Variants in BRINP1 observed in about 807,000 individuals in gnomAD.
The protein encoded by BRINP1 is BMP/retinoic acid inducible neural specific 1, also known as BMP/retinoic acid-inducible neural-specific protein 1.
In BRINP1, 17 loss-of-function variants were observed where a neutral mutation model predicts 72.9. The ratio of observed to expected loss-of-function variants is 0.23; its 90% CI spans 0.16 to 0.35. BRINP1 has a LOEUF of 0.35. Among genes scored for constraint, BRINP1 ranks in the 10% least tolerant of loss-of-function variants. The pLI is 1.00. For synonymous variants in BRINP1, 418 were observed against 378.5 expected, an observed-to-expected ratio of 1.10 and a Z score of -1.21; for missense variants, 850 against 1,001.6, an observed-to-expected ratio of 0.85 and a Z score of 2.04.
chr9:119,213,375 A>G (rs945968621), intron 6 of BRINP1, among the ~76,000 whole-genome samples: 3 of 152,184 alleles, frequency 2.0e-5, no homozygotes, highest in African/African-American at 7.2e-5. Context: ...CCTGAAACTC[A>G]TTTTTCTGAA....
At position 119,172,167 on chromosome 9, in the gene BRINP1, C is replaced by A. The variant is rs1421778748; in HGVS notation, c.1146-3943G>T. Reference sequence around the variant, plus strand: ...CTGAAGGAAATAGAGACACAAAAAACCCATCAAAAAGTTAATGAATCCAGG... The same window carrying A: ...CTGAAGGAAATAGAGACACAAAAAAACCATCAAAAAGTTAATGAATCCAGG... On this transcript the variant is annotated intron_variant, in intron 7 of 7. Coordinates refer to ENST00000265922, the MANE Select transcript of BRINP1 (RefSeq NM_014618.3). 5.3e-5 allele frequency among the ~76,000 whole-genome samples: 8 copies of A among 152,066 alleles called. No homozygotes were observed. In the East Asian group the frequency reaches 7.7e-4, roughly 15 times the overall value.
intron 1 of BRINP1, among the ~76,000 whole-genome samples, chr9:119,328,067 T>G (rs1831257002): frequency 6.6e-6 from 1 of 152,094 alleles, no homozygotes; most frequent in African/African-American, 2.4e-5. Flanking sequence ...CCATTTTTAG[T>G]CAGCATGAAG....
At chr9:119,274,518 T>G (rs985005594) in intron 2 of BRINP1, among the ~76,000 whole-genome samples, 6 of 152,216 alleles carry the variant, frequency 3.9e-5, no homozygotes, top group Non-Finnish European at 8.8e-5. Context: ...AAGCCCCAGC[T>G]GGCCCTGATT....
chr9:119,236,803 C>CT (rs934369608), intron 5 of BRINP1, among the ~76,000 whole-genome samples: 6 of 152,160 alleles, frequency 3.9e-5, no homozygotes, highest in East Asian at 1.9e-4. Context: ...TCTGTCTACT[C>CT]TTTTTTCTGC....
In BRINP1 at chr9:119,366,530, G is replaced by A. The variant is rs1409816754; in HGVS notation, c.-51+2526C>T. On this transcript the variant is annotated intron_variant, in intron 1 of 7. Coordinates refer to ENST00000265922, the MANE Select transcript of BRINP1 (RefSeq NM_014618.3). ...TGTGTGTGTGTGTGTGTGTGTGTGT[G>A]TGTGTGTGTGTGTGTGTGTGTGTGT... is the stretch of plus-strand genomic sequence containing the variant. 5.6e-4 allele frequency among the ~76,000 whole-genome samples: 84 copies of A among 149,706 alleles called. No individual in the cohort carries two copies. The South Asian group carries it at 1.0e-2, about 18-fold the overall frequency.
intron 1 of BRINP1, among the ~76,000 whole-genome samples, chr9:119,328,503 C>T (rs1243448029): frequency 6.6e-6 from 1 of 151,860 alleles, no homozygotes; most frequent in Non-Finnish European, 1.5e-5. Context: ...CTAGGATAGA[C>T]CTAGAATTAA....
chr9:119,327,424 C>G (rs1206359618), intron 1 of BRINP1, among the ~76,000 whole-genome samples: 1 of 152,142 alleles, frequency 6.6e-6, no homozygotes, highest in African/African-American at 2.4e-5. Flanking sequence ...GGTACTGAAT[C>G]AATATTTATT....
At chr9:119,355,504 G>A (rs565278688) in intron 1 of BRINP1, among the ~76,000 whole-genome samples, 4 of 152,172 alleles carry the variant, frequency 2.6e-5, no homozygotes, top group Non-Finnish European at 4.4e-5. Context: ...CAAGGTGGGC[G>A]AATCACAAGG....
At chr9:119,209,000 G>T in intron 6 of BRINP1, 59 bp from the exon 7 acceptor site, 1 of 1,400,530 alleles carries the variant, frequency 7.1e-7, no homozygotes, top group Non-Finnish European at 1.0e-6. Context: ...CATCTAAAGT[G>T]GCCTTGAATG....
chr9:119,304,862 A>ATCTCTCTT, intron 2 of BRINP1, among the ~76,000 whole-genome samples: 1 of 152,258 alleles, frequency 6.6e-6, no homozygotes, highest in Admixed American at 6.5e-5. Context: ...TTTCTAACCC[A>ATCTCTCTT]TCTCTCTTTC....
At chr9:119,215,638 TC>T (rs1392006120) in intron 5 of BRINP1, among the ~76,000 whole-genome samples, 19 of 152,254 alleles carry the variant, frequency 1.2e-4, no homozygotes, top group Non-Finnish European at 2.6e-4. Context: ...TAGATTTTTA[TC>T]TTTTTTCCAT....
chr9:119,241,729 T>C (rs887288184), intron 4 of BRINP1, among the ~76,000 whole-genome samples: 1 of 152,184 alleles, frequency 6.6e-6, no homozygotes, highest in African/African-American at 2.4e-5. Flanking sequence ...TACCTCTTCA[T>C]AGTCTCTGTT....
chr9:119,358,448 C>G (rs1279761513), intron 1 of BRINP1, among the ~76,000 whole-genome samples: 1 of 149,726 alleles, frequency 6.7e-6, no homozygotes, highest in Non-Finnish European at 1.5e-5. Context: ...AATCCCAGCA[C>G]TTTGGGAGGC....
intron 1 of BRINP1, among the ~76,000 whole-genome samples, chr9:119,338,169 A>G (rs766434123): frequency 1.3e-4 from 19 of 151,898 alleles, no homozygotes; most frequent in Non-Finnish European, 1.9e-4. Flanking sequence ...TCCTTGAAAA[A>G]CACCAATCTC....
intron 1 of BRINP1, among the ~76,000 whole-genome samples, chr9:119,322,421 T>A (rs879821763): frequency 3.9e-5 from 6 of 152,156 alleles, no homozygotes; most frequent in Non-Finnish European, 8.8e-5. Context: ...GTCGGGTTCA[T>A]CCCACACAGA....
Position 119,214,125 on chromosome 9 carries a change from T to C in BRINP1, c.716A>G (p.Gln239Arg). The C allele has an allele frequency of 6.2e-7, 1 of 1,614,060 alleles. No individual in the cohort carries two copies. The highest frequency in any genetic ancestry group is 8.5e-7 in the Non-Finnish European group (1 of 1,179,920). Residue 239 changes from glutamine (Q) to arginine (R), a missense_variant, in exon 6 of 8, where the codon CAA becomes CGA. Transcript: ENST00000265922. ...CAAGGCCGACTGGACAAACTTCTCTTGCAGATACTGAGGAAAGATTATCTG... is the reference window on the plus strand; with the variant it reads ...CAAGGCCGACTGGACAAACTTCTCTCGCAGATACTGAGGAAAGATTATCTG... ...GLQIIFPQYLQEKFVQSALSY... is the reference protein window; with the variant it reads ...GLQIIFPQYLREKFVQSALSY...
At chr9:119,253,432 G>C (rs1291831034) in intron 2 of BRINP1, among the ~76,000 whole-genome samples, 4 of 152,116 alleles carry the variant, frequency 2.6e-5, no homozygotes, top group Non-Finnish European at 5.9e-5. Flanking sequence ...CCATAAAAGG[G>C]AATGAAATCC....
chr9:119,222,418 C>G (rs977112890), intron 5 of BRINP1, among the ~76,000 whole-genome samples: 1 of 152,030 alleles, frequency 6.6e-6, no homozygotes, highest in Admixed American at 6.6e-5. Context: ...GAACATGCGG[C>G]CCACAAAGCC....
chr9:119,298,300 C>T (rs538280139), intron 2 of BRINP1, among the ~76,000 whole-genome samples: 93 of 152,280 alleles, frequency 6.1e-4, no homozygotes, highest in Non-Finnish European at 1.1e-3. Context: ...CATTTACTTT[C>T]AGTTCCTCTT....
Sources: gnomAD v4.1 joint callset for allele counts (sites outside exome capture counted in the v4.1 genomes callset) on GRCh38, gnomAD v4.1.1 for gene constraint, MANE v1.5 for transcripts, NCBI Gene and HGNC (gene_info 2026-07-23, HGNC 2026-07-21) for gene names.